KSR2: variants seen among roughly 807,000 people sequenced by gnomAD.
KSR2 encodes the protein kinase suppressor of ras 2.
KSR2 carries 25 observed loss-of-function variants against 107.8 expected under a neutral mutation model. The ratio of observed to expected loss-of-function variants is 0.23; its 90% CI spans 0.17 to 0.32. The LOEUF (loss-of-function observed/expected upper bound fraction) is 0.32, where lower values mean the gene tolerates loss of function less well. Among genes scored for constraint, KSR2 ranks in the 10% least tolerant of loss-of-function variants. KSR2 has a pLI of 1.00. For synonymous variants in KSR2, 480 were observed against 507.0 expected (o/e 0.95, Z 0.71); for missense variants, 887 against 1,268.9 (o/e 0.70, Z 4.57).
chr12:117,707,580 T>A (rs1440680001), intron 4 of KSR2, among the ~76,000 whole-genome samples: 1 of 152,114 alleles, frequency 6.6e-6, no homozygotes, highest in Non-Finnish European at 1.5e-5. Context: ...AGGGGTGGGA[T>A]ATGAGGAATA....
intron 4 of KSR2, among the ~76,000 whole-genome samples, chr12:117,695,905 AG>A (rs796066155): frequency 3.9e-5 from 6 of 152,334 alleles, no homozygotes; most frequent in African/African-American, 1.4e-4. Flanking sequence ...GACCCACAGC[AG>A]GGACAGGACT....
At chr12:117,467,917 G>GTTTTT in intron 19 of KSR2, 1 of 199,476 alleles carries the variant, frequency 5.0e-6, no homozygotes, top group East Asian at 1.5e-4. Context: ...CCACAGTCCT[G>GTTTTT]TGTTTTTTTT....
At chr12:117,810,556 T>C (rs575375994) in intron 3 of KSR2, among the ~76,000 whole-genome samples, 1 of 152,286 alleles carries the variant, frequency 6.6e-6, no homozygotes, top group South Asian at 2.1e-4. Context: ...CAAGAGATTC[T>C]CCTGCCTTGG....
intron 5 of KSR2, among the ~76,000 whole-genome samples, chr12:117,599,123 A>G (rs529979127): frequency 2.6e-5 from 4 of 152,306 alleles, no homozygotes; most frequent in East Asian, 3.9e-4. Context: ...GTTGAGTGTT[A>G]GCTATTTGTA....
intron 3 of KSR2, among the ~76,000 whole-genome samples, chr12:117,824,364 G>A (rs2137088507): frequency 6.6e-6 from 1 of 152,148 alleles, no homozygotes. Context: ...TGTGACTATA[G>A]GTTACAAGAA....
intron 4 of KSR2, among the ~76,000 whole-genome samples, chr12:117,706,453 A>G (rs1481586453): frequency 1.3e-5 from 2 of 152,118 alleles, no homozygotes; most frequent in East Asian, 3.9e-4. Context: ...TCTTCTGTTC[A>G]CATTCCCATA....
At chr12:117,646,609 G>A (rs952976772) in intron 5 of KSR2, among the ~76,000 whole-genome samples, 2 of 152,112 alleles carry the variant, frequency 1.3e-5, no homozygotes, top group African/African-American at 4.8e-5. Flanking sequence ...GGCCAAGGCA[G>A]GCCAATTAAC....
chr12:117,613,246 A>G (rs1881701560), intron 5 of KSR2, among the ~76,000 whole-genome samples: 1 of 152,236 alleles, frequency 6.6e-6, no homozygotes, highest in Non-Finnish European at 1.5e-5. Context: ...GCAATCTATC[A>G]AAGCTCTATA....
chr12:117,734,422 C>A (rs1049467389), intron 4 of KSR2, among the ~76,000 whole-genome samples: 1 of 152,132 alleles, frequency 6.6e-6, no homozygotes, highest in African/African-American at 2.4e-5. Flanking sequence ...TCCTGGGGAG[C>A]TTCTCCTAGA....
chr12:117,555,373 C>A, intron 8 of KSR2, 80 bp from the exon 9 acceptor site: 1 of 1,487,020 alleles, frequency 6.7e-7, no homozygotes, highest in East Asian at 2.3e-5. Flanking sequence ...AGCTCAGATC[C>A]CACCTCTTAG....
intron 5 of KSR2, among the ~76,000 whole-genome samples, chr12:117,600,446 T>C (rs896713466): frequency 6.6e-6 from 1 of 152,164 alleles, no homozygotes; most frequent in South Asian, 2.1e-4. Context: ...TCTGAATGCG[T>C]CCCTGGACCA....
At chr12:117,858,699 A>C (rs1236272011) in intron 2 of KSR2, among the ~76,000 whole-genome samples, 1 of 152,240 alleles carries the variant, frequency 6.6e-6, no homozygotes, top group Non-Finnish European at 1.5e-5. Flanking sequence ...GCTAATGCAC[A>C]GTGCTTCTGA....
At chr12:117,669,202 T>C (rs765902898) in intron 4 of KSR2, among the ~76,000 whole-genome samples, 11 of 152,170 alleles carry the variant, frequency 7.2e-5, no homozygotes, top group Non-Finnish European at 1.5e-4. Flanking sequence ...GGTAAGGAAA[T>C]GTATAGGTAA....
intron 3 of KSR2, among the ~76,000 whole-genome samples, chr12:117,814,635 C>T (rs866310532): frequency 2.6e-5 from 4 of 152,094 alleles, no homozygotes; most frequent in Admixed American, 6.5e-5. Flanking sequence ...AATGTTCCAG[C>T]GGAACCACAT....
intron 5 of KSR2, among the ~76,000 whole-genome samples, chr12:117,583,331 GGATA>G (rs149509267): frequency 0.027 from 4,000 of 149,102 alleles, 202 homozygotes; most frequent in African/African-American, 0.095. Context: ...GTGGGTGGAT[GGATA>G]GATAGATGGA....
At chr12:117,760,253 C>A (rs1026645671) in intron 4 of KSR2, among the ~76,000 whole-genome samples, 5 of 152,224 alleles carry the variant, frequency 3.3e-5, no homozygotes, top group Admixed American at 1.3e-4. Flanking sequence ...CCTGCCTAAT[C>A]CTCGAGTCTC....
chr12:117,715,459 C>G (rs1017130357), intron 4 of KSR2, among the ~76,000 whole-genome samples: 3 of 152,244 alleles, frequency 2.0e-5, no homozygotes, highest in African/African-American at 7.2e-5. Context: ...AGATGTGGAG[C>G]AGAGCGCAAG....
At chr12:117,653,574 C>A (rs374032813) in intron 5 of KSR2, among the ~76,000 whole-genome samples, 1 of 152,236 alleles carries the variant, frequency 6.6e-6, no homozygotes, top group Non-Finnish European at 1.5e-5. Flanking sequence ...ATTGGTGAGG[C>A]ATTTGCATGC....
intron 1 of KSR2, among the ~76,000 whole-genome samples, chr12:117,935,585 A>T (rs1331648770): frequency 6.6e-6 from 1 of 151,928 alleles, no homozygotes; most frequent in Non-Finnish European, 1.5e-5. Flanking sequence ...ACATGGTGAA[A>T]CCCCACCTCT....
Sources: allele counts gnomAD v4.1 joint callset (sites outside exome capture counted in the v4.1 genomes callset), GRCh38; gene constraint gnomAD v4.1.1; transcripts MANE v1.5; gene names NCBI Gene and HGNC (gene_info 2026-07-23, HGNC 2026-07-21).